The following SGCZ variants were observed in gnomAD, a reference collection of about 807,000 sequenced individuals.
SGCZ encodes the protein zeta-sarcoglycan.
Under a neutral mutation model 41.3 loss-of-function variants are expected in SGCZ, and 40 were observed. The observed-to-expected ratio is 0.97, with a 90% CI of 0.75 to 1.26. The LOEUF (loss-of-function observed/expected upper bound fraction) is 1.26. Ranked by LOEUF, SGCZ falls within the 50% of genes most tolerant of loss-of-function variation. The pLI, the probability that SGCZ is intolerant of heterozygous loss-of-function variation, is 0.00. For synonymous variants in SGCZ, 206 were observed against 137.5 expected (o/e 1.50, Z -3.49); for missense variants, 552 against 369.8 (o/e 1.49, Z -4.04).
chr8:14,813,672 C>A (rs779700827), intron 1 of SGCZ, among the ~76,000 whole-genome samples: 5 of 152,084 alleles, frequency 3.3e-5, no homozygotes, highest in East Asian at 1.9e-4. Context: ...TAAAGCAAGG[C>A]CGCGAGCAGT....
At chr8:15,161,926 T>A (rs1014588597) in intron 1 of SGCZ, among the ~76,000 whole-genome samples, 2 of 152,202 alleles carry the variant, frequency 1.3e-5, no homozygotes, top group Admixed American at 1.3e-4. Context: ...TCCCAGCTAC[T>A]TGGCTGGGAC....
chr8:14,777,673 T>C (rs928448849), intron 1 of SGCZ, among the ~76,000 whole-genome samples: 11 of 152,112 alleles, frequency 7.2e-5, no homozygotes, highest in Non-Finnish European at 1.6e-4. Context: ...TTAGAGGACA[T>C]GATGTTTGCA....
intron 1 of SGCZ, among the ~76,000 whole-genome samples, chr8:15,092,497 G>A (rs529710225): frequency 6.6e-6 from 1 of 152,114 alleles, no homozygotes; most frequent in Non-Finnish European, 1.5e-5. Context: ...AATCATAAAA[G>A]TGATGGGAGA....
At chr8:14,679,883 T>G (rs1415909364) in intron 1 of SGCZ, among the ~76,000 whole-genome samples, 3 of 152,038 alleles carry the variant, frequency 2.0e-5, no homozygotes, top group African/African-American at 4.8e-5. Context: ...TACTATATAT[T>G]TTTTATTTTT....
At position 14,339,334 on chromosome 8, in the gene SGCZ, C is replaced by G. The variant is rs934983040; in HGVS notation, c.235-15130G>C. Reference sequence around the variant, plus strand: ...CCTCTTCTCTATGTGAATGTTAAACCAAGTTCTGAAAACAATTGCTGAGAA... The same window carrying G: ...CCTCTTCTCTATGTGAATGTTAAACGAAGTTCTGAAAACAATTGCTGAGAA... On this transcript the variant is annotated intron_variant, in intron 2 of 7. Coordinates refer to ENST00000382080, the MANE Select transcript of SGCZ (RefSeq NM_139167.4). 2.0e-5 allele frequency among the ~76,000 whole-genome samples: 3 copies of G among 152,250 alleles called. 1 individual carries two copies. In the Middle Eastern group the frequency reaches 0.01, roughly 518 times the overall value.
At chr8:14,675,659 T>C (rs1256212051) in intron 1 of SGCZ, among the ~76,000 whole-genome samples, 3 of 152,088 alleles carry the variant, frequency 2.0e-5, no homozygotes, top group African/African-American at 7.2e-5. Flanking sequence ...GCAAAAACAA[T>C]GGACAGAAAG....
intron 2 of SGCZ, among the ~76,000 whole-genome samples, chr8:14,393,920 T>C (rs1043734469): frequency 1.1e-4 from 16 of 152,188 alleles, no homozygotes; most frequent in African/African-American, 3.9e-4. Flanking sequence ...TAAATTAGCT[T>C]TCAAATTTCT....
At chr8:14,683,375 T>C (rs549224216) in intron 1 of SGCZ, among the ~76,000 whole-genome samples, 1 of 151,954 alleles carries the variant, frequency 6.6e-6, no homozygotes, top group African/African-American at 2.4e-5. Context: ...ACAAAAACAT[T>C]CAGAAGCAAT....
intron 2 of SGCZ, among the ~76,000 whole-genome samples, chr8:14,464,421 T>C (rs1800989252): frequency 6.6e-6 from 1 of 151,530 alleles, no homozygotes; most frequent in Non-Finnish European, 1.5e-5. Context: ...TATAATCCTT[T>C]TTATAACTGT....
chr8:14,797,277 C>G (rs1466918922), intron 1 of SGCZ, among the ~76,000 whole-genome samples: 1 of 151,858 alleles, frequency 6.6e-6, no homozygotes, highest in Admixed American at 6.6e-5. Context: ...TTCCTAGAGA[C>G]TTGTTGAATG....
rs143166544 is a variant in SGCZ at position 15,160,751 on chromosome 8, T to C, written c.39+76834A>G. Among the ~76,000 whole-genome samples, 629 of 152,306 alleles carry C rather than the reference T, an allele frequency of 4.1e-3. 4 individuals carry two copies. Among genetic ancestry groups the C allele is most frequent in the African/African-American group, 0.015 (608 of 41,574 alleles). ...ATCTTCCCCATGAATCTGACTTCAA[T>C]TGGTGCTCTGCTCTTGTCAGTTGAG... is the stretch of plus-strand genomic sequence containing the variant. On this transcript the variant is annotated intron_variant, in intron 1 of 7. Transcript: ENST00000382080.
intron 1 of SGCZ, among the ~76,000 whole-genome samples, chr8:14,823,330 TATTTAAC>T (rs1249205960): frequency 6.6e-6 from 1 of 152,032 alleles, no homozygotes; most frequent in Non-Finnish European, 1.5e-5. Flanking sequence ...GCAAACAATA[TATTTAAC>T]AAGATTTAAA....
At chr8:14,307,309 G>A (rs1320900042) in intron 3 of SGCZ, among the ~76,000 whole-genome samples, 1 of 151,970 alleles carries the variant, frequency 6.6e-6, no homozygotes, top group Non-Finnish European at 1.5e-5. Context: ...GTGGTGCCAG[G>A]GTCAAAGAAA....
intron 3 of SGCZ, among the ~76,000 whole-genome samples, chr8:14,283,240 C>T (rs1340514027): frequency 1.3e-5 from 2 of 152,124 alleles, no homozygotes; most frequent in Admixed American, 6.5e-5. Context: ...TATTTCTTTT[C>T]GCCTTTTCCC....
intron 1 of SGCZ, among the ~76,000 whole-genome samples, chr8:15,197,328 G>T (rs902785217): frequency 1.3e-5 from 2 of 152,120 alleles, no homozygotes; most frequent in Admixed American, 1.3e-4. Context: ...GAATACATAT[G>T]ATGGCCTGTT....
chr8:15,182,668 G>A (rs1028069614), intron 1 of SGCZ, among the ~76,000 whole-genome samples: 2 of 152,118 alleles, frequency 1.3e-5, no homozygotes, highest in African/African-American at 4.8e-5. Flanking sequence ...AGTGGTGAGT[G>A]AATGTTGAAT....
intron 1 of SGCZ, among the ~76,000 whole-genome samples, chr8:15,096,154 T>C (rs1372162905): frequency 6.6e-6 from 1 of 152,068 alleles, no homozygotes; most frequent in African/African-American, 2.4e-5. Flanking sequence ...CTCGGCTCAC[T>C]GCAATGTCTA....
chr8:14,844,552 C>T (rs73535052), intron 1 of SGCZ, among the ~76,000 whole-genome samples: 1,904 of 152,226 alleles, frequency 0.013, 26 homozygotes, highest in African/African-American at 0.029. Flanking sequence ...CCATAGTATG[C>T]GGGCTCCTCT....
chr8:14,348,566 G>A (rs923269182), intron 2 of SGCZ, among the ~76,000 whole-genome samples: 1 of 152,072 alleles, frequency 6.6e-6, no homozygotes, highest in Non-Finnish European at 1.5e-5. Flanking sequence ...TGTATCCATA[G>A]TGCCAGCCGA....
Sources: gnomAD v4.1 joint callset for allele counts (sites outside exome capture counted in the v4.1 genomes callset) on GRCh38, gnomAD v4.1.1 for gene constraint, MANE v1.5 for transcripts, NCBI Gene and HGNC (gene_info 2026-07-23, HGNC 2026-07-21) for gene names.